The following SLIT3 variants were observed in gnomAD, a reference collection of about 807,000 sequenced individuals.
The protein encoded by SLIT3 is slit guidance ligand 3, also known as slit homolog 3 protein.
In SLIT3, 68 loss-of-function variants were observed where a neutral mutation model predicts 184.0. The observed-to-expected ratio is 0.37, with a 90% CI of 0.30 to 0.45. SLIT3 has a LOEUF of 0.45. SLIT3 is among the 20% of genes least tolerant of loss of function. The probability of loss-of-function intolerance (pLI) is 1.00; values close to 1 mark genes in which losing one functional copy is unlikely to be tolerated. For synonymous variants in SLIT3, 831 were observed against 828.6 expected (o/e 1.00, Z -0.05); for missense variants, 1,707 against 2,026.0 (o/e 0.84, Z 3.02).
At chr5:168,831,095 T>C (rs1338694199) in intron 6 of SLIT3, among the ~76,000 whole-genome samples, 3 of 152,226 alleles carry the variant, frequency 2.0e-5, no homozygotes, top group Non-Finnish European at 4.4e-5. Flanking sequence ...CAAAGGCGTC[T>C]AAGGTCAAAG....
intron 23 of SLIT3, among the ~76,000 whole-genome samples, chr5:168,716,613 G>A (rs1444107405): frequency 1.3e-5 from 2 of 152,264 alleles, no homozygotes; most frequent in East Asian, 3.8e-4. Flanking sequence ...AAAGGCCGTG[G>A]TGAGTCCTGT....
chr5:168,794,800 C>T (rs1756508377), intron 10 of SLIT3, among the ~76,000 whole-genome samples: 1 of 152,178 alleles, frequency 6.6e-6, no homozygotes, highest in African/African-American at 2.4e-5. Context: ...CACATGCTCC[C>T]TAAGGCCTTT....
At chr5:168,697,538 G>A (rs1762098871) in intron 27 of SLIT3, among the ~76,000 whole-genome samples, 1 of 152,180 alleles carries the variant, frequency 6.6e-6, no homozygotes, top group South Asian at 2.1e-4. Context: ...CTATGAGTGT[G>A]CGCTTCAGCT....
rs1255923670 is a variant in SLIT3 at position 168,806,471 on chromosome 5, T to G, written c.910A>C (p.Asn304His). 1 of 1,614,200 alleles carries G rather than the reference T, an allele frequency of 6.2e-7. No homozygotes were observed. The highest frequency in any genetic ancestry group is 2.2e-5 in the East Asian group (1 of 44,870). The change falls in exon 9 of 36, where the codon AAC becomes CAC. Residue 304 changes from asparagine to histidine, a missense_variant. Physicochemically the swap from Asn to His is moderately conservative, Grantham distance 68 (BLOSUM62 1). Around this residue, in one of 3 missense-constraint regions of SLIT3, gnomAD observed 1,307 missense variants for 1,511.6 expected, o/e 0.86. Coordinates refer to ENST00000519560, the MANE Select transcript of SLIT3 (RefSeq NM_003062.4). Reference protein sequence around the residue: ...RGKGLMEIPANLPEGIVEIRL... With the variant: ...RGKGLMEIPAHLPEGIVEIRL... ...ATTTCGACGATGCCCTCCGGCAAGTTGGCAGGAATCTCCATCAAGCCCTTT... is the reference window on the plus strand; with the variant it reads ...ATTTCGACGATGCCCTCCGGCAAGTGGGCAGGAATCTCCATCAAGCCCTTT...
chr5:169,138,052 G>A (rs1050988098), intron 4 of SLIT3, among the ~76,000 whole-genome samples: 3 of 152,154 alleles, frequency 2.0e-5, no homozygotes, highest in Non-Finnish European at 2.9e-5. Flanking sequence ...GCACATCTGT[G>A]GGCCAATTAC....
intron 20 of SLIT3, among the ~76,000 whole-genome samples, chr5:168,734,520 G>A (rs1437507905): frequency 6.6e-6 from 1 of 152,150 alleles, no homozygotes; most frequent in Non-Finnish European, 1.5e-5. Flanking sequence ...TTCAATATCA[G>A]TTCCCACACC....
chr5:168,861,262 C>A (rs926779161), intron 5 of SLIT3, among the ~76,000 whole-genome samples: 1 of 152,034 alleles, frequency 6.6e-6, no homozygotes, highest in Non-Finnish European at 1.5e-5. Flanking sequence ...CCCCATCCCC[C>A]CATCCCACGA....
chr5:168,808,349 T>A (rs913896530), intron 8 of SLIT3, among the ~76,000 whole-genome samples: 1 of 152,006 alleles, frequency 6.6e-6, no homozygotes, highest in African/African-American at 2.4e-5. Flanking sequence ...GGGCTGAGAA[T>A]GTGGGCTCTG....
At chr5:168,952,528 C>CGAAA (rs1487053646) in intron 4 of SLIT3, among the ~76,000 whole-genome samples, 1 of 77,930 alleles carries the variant, frequency 1.3e-5, no homozygotes, top group African/African-American at 5.9e-5. Context: ...GGGAAAATGC[C>CGAAA]AAAAAAAAAA....
chr5:168,783,037 T>A (rs973458279), intron 12 of SLIT3, among the ~76,000 whole-genome samples: 2 of 152,296 alleles, frequency 1.3e-5, no homozygotes, highest in African/African-American at 4.8e-5. Context: ...CAGTGAGGAC[T>A]TATCAGAGGA....
chr5:168,752,999 G>T lies in SLIT3; in HGVS notation c.1929C>A (p.Thr643=), dbSNP rs751035253. The T allele has an allele frequency of 7.4e-6, 12 of 1,614,088 alleles. No homozygotes were observed. Among genetic ancestry groups the T allele is most frequent in the Non-Finnish European group, 1.0e-5 (12 of 1,180,000 alleles). ...GCGTGGTGAAGGCCCCAGGGGTGAT[G>T]GTGGTGATCCGATTGTCATAGAGGG... ...LLSLYDNRIT[T]ITPGAFTTLV... The change falls in exon 18 of 36, where the codon ACC becomes ACA. Residue 643 remains threonine, a synonymous_variant. Transcript: ENST00000519560.
intron 9 of SLIT3, among the ~76,000 whole-genome samples, chr5:168,802,092 G>A (rs556844110): frequency 1.1e-3 from 169 of 149,488 alleles, no homozygotes; most frequent in Non-Finnish European, 1.6e-3. Flanking sequence ...TAAGGAGAAA[G>A]TACAAATCTG....
At chr5:168,893,210 A>G (rs554195095) in intron 4 of SLIT3, among the ~76,000 whole-genome samples, 1 of 152,306 alleles carries the variant, frequency 6.6e-6, no homozygotes, top group East Asian at 1.9e-4. Flanking sequence ...TTGGGTGTGG[A>G]CAGGGAGCTT....
chr5:168,671,433 G>T lies in SLIT3; in HGVS notation c.3892C>A (p.Pro1298Thr). ...ATGCATCCGTGGAAGCCGCCTAGAG[G>T]CCGGTCCGTGCCCTGGCGCAAGGCA... ...LSALRQGTDR[P>T]LGGFHGCIHE... The change falls in exon 34 of 36, where the codon CCT (proline) becomes ACT (threonine). Residue 1298 changes from proline to threonine, a missense_variant. Physicochemically the swap from Pro to Thr is conservative, Grantham distance 38. Coordinates refer to ENST00000519560, the MANE Select transcript of SLIT3 (RefSeq NM_003062.4). 6.2e-7 allele frequency: 1 copy of T among 1,613,540 alleles called. No individual in the cohort carries two copies. Among genetic ancestry groups the T allele is most frequent in the South Asian group, 1.1e-5 (1 of 90,884 alleles).
intron 5 of SLIT3, among the ~76,000 whole-genome samples, chr5:168,870,133 C>G (rs562854982): frequency 1.2e-4 from 18 of 152,330 alleles, no homozygotes; most frequent in Admixed American, 1.2e-3. Flanking sequence ...AGATCTCAGG[C>G]TCTGAAAACC....
chr5:169,268,414 GC>G, intron 1 of SLIT3, among the ~76,000 whole-genome samples: 1 of 152,326 alleles, frequency 6.6e-6, no homozygotes. Context: ...TCATTTTCCT[GC>G]CTGTCTTTCC....
At chr5:168,753,761 A>C in intron 17 of SLIT3, 103 bp downstream of exon 17, 1 of 1,370,544 alleles carries the variant, frequency 7.3e-7, no homozygotes, top group Non-Finnish European at 1.0e-6. Context: ...TCAGCAGGCC[A>C]AGACAGTGCC....
At chr5:168,796,630 A>G (rs1313537504) in intron 9 of SLIT3, among the ~76,000 whole-genome samples, 2 of 152,124 alleles carry the variant, frequency 1.3e-5, no homozygotes, top group East Asian at 1.9e-4. Flanking sequence ...AGATGGGAGG[A>G]ACGGGCTTCC....
intron 20 of SLIT3, among the ~76,000 whole-genome samples, chr5:168,727,722 C>T (rs890039485): frequency 2.6e-5 from 4 of 152,162 alleles, no homozygotes; most frequent in African/African-American, 7.2e-5. Flanking sequence ...GAATGCTTGC[C>T]CTACTCCCCA....
Sources: allele counts gnomAD v4.1 joint callset (sites outside exome capture counted in the v4.1 genomes callset), GRCh38; gene constraint gnomAD v4.1.1; regional missense constraint gnomAD v4.1.1; transcripts MANE v1.5; gene names NCBI Gene and HGNC (gene_info 2026-07-23, HGNC 2026-07-21).